RNF212B: variants seen among roughly 807,000 people sequenced by gnomAD.
The protein encoded by RNF212B is ring finger protein 212B, also known as E3 ubiquitin-protein ligase RNF212B.
A neutral mutation model predicts 55.5 loss-of-function variants in RNF212B; 52 were observed. That is an observed-to-expected ratio of 0.94 (90% CI 0.75 to 1.18). The LOEUF (loss-of-function observed/expected upper bound fraction) is 1.18. Among genes scored for constraint, RNF212B ranks in the 50% most tolerant of loss-of-function variants. The pLI is 0.00. For missense variants in RNF212B, 289 were observed against 350.4 expected (o/e 0.82, Z 1.40); for synonymous variants, 99 against 121.4 (o/e 0.82, Z 1.21).
At position 23,243,243 on chromosome 14, in the gene RNF212B, C is replaced by CG. The variant is rs1566424081; in HGVS notation, c.101-13_101-12insG. 1.3e-6 allele frequency: 2 copies of CG among 1,547,348 alleles called. No individual in the cohort carries two copies. The highest frequency in any genetic ancestry group is 1.7e-6 in the Non-Finnish European group (2 of 1,145,788). ...TCATGAGAGCCAAATATTTTTTTCC[C>CG]TTTTCCTCCCAGAAAAATGTGCTGT... On this transcript the variant is annotated splice_polypyrimidine_tract_variant and intron_variant, in intron 2 of 14. Transcript: ENST00000430154.
upstream of RNF212B, among the ~76,000 whole-genome samples, chr14:23,237,382 G>A (rs181638385): frequency 8.5e-5 from 13 of 152,184 alleles, no homozygotes; most frequent in East Asian, 2.5e-3. Flanking sequence ...CGCCCGCCTC[G>A]GCCTCCCAAG....
In RNF212B at chr14:23,263,974, GC is replaced by G. The variant is rs146647966; in HGVS notation, c.525-199del. Among the ~76,000 whole-genome samples the G allele has an allele frequency of 7.4e-3, 1,120 of 152,214 alleles. 20 individuals are homozygous for G. The highest frequency in any genetic ancestry group is 0.025 in the African/African-American group (1,041 of 41,524). On this transcript the variant is annotated intron_variant, in intron 9 of 14. Transcript: ENST00000430154. ...ATGGTGGTGCACGCCTGTAGTCCTA[GC>G]TACTTGGGAGGCTGAGGCATGAGAA...
intron 2 of RNF212B, among the ~76,000 whole-genome samples, chr14:23,220,717 C>T (rs1200343375): frequency 6.7e-6 from 1 of 149,318 alleles, no homozygotes; most frequent in East Asian, 2.0e-4. Context: ...CCCAGCTACT[C>T]AGGAGGCTGA....
chr14:23,213,713 C>A (rs1880792316), intron 2 of RNF212B, among the ~76,000 whole-genome samples: 1 of 146,284 alleles, frequency 6.8e-6, no homozygotes, highest in African/African-American at 2.7e-5. Flanking sequence ...TGACTGCATG[C>A]CAAATGAAGA....
Position 23,260,692 on chromosome 14 carries a change from G to GT in RNF212B, c.434+9dup. 1 of 1,550,400 alleles carries GT rather than the reference G, an allele frequency of 6.4e-7. No individual in the cohort carries two copies. Among genetic ancestry groups the GT allele is most frequent in the Non-Finnish European group, 8.7e-7 (1 of 1,146,884 alleles). Reference sequence around the variant, plus strand: ...AAGTCGGTACCAAGGAAGCAGGTCAGTTTTATCAGCTCCCATACTAGCCCA... The same window carrying GT: ...AAGTCGGTACCAAGGAAGCAGGTCAGTTTTTATCAGCTCCCATACTAGCCCA... On this transcript the variant is annotated splice_donor_region_variant and intron_variant, in intron 7 of 14. Coordinates refer to ENST00000430154, the MANE Select transcript of RNF212B (RefSeq NM_001282322.3).
rs1198022517 is a variant in RNF212B, at chr14:23,269,864, ACTT to A, written c.678_680del (p.Ser228del). The A allele has an allele frequency of 7.2e-6, 11 of 1,531,132 alleles. No homozygotes were observed. Among genetic ancestry groups the A allele is most frequent in the Non-Finnish European group, 9.7e-6 (11 of 1,129,770 alleles). The allele number at this position is 1,531,132 out of a possible 1,614,324, so 94.8% of individuals were successfully genotyped here. A position where few individuals can be genotyped will look rare whatever the true frequency, so the allele number is the denominator to read the frequency against. ...GATGCTTTTATTTGCTTTCCTTAGA[ACTT>A]CATCTGCCTCCTCTGGACAGGGGAT... On this transcript the variant is annotated inframe_deletion and splice_region_variant, in exon 13 of 15. Coordinates refer to ENST00000430154, the MANE Select transcript of RNF212B (RefSeq NM_001282322.3).
At chr14:23,208,757 G>GTTTTTTTTTTTTTTTTTTTTTTTTTT (rs1166613606) in intron 2 of RNF212B, among the ~76,000 whole-genome samples, 1 of 98,110 alleles carries the variant, frequency 1.0e-5, no homozygotes, top group African/African-American at 4.6e-5. Flanking sequence ...GCTGGTTGCC[G>GTTTTTTTTTTTTTTTTTTTTTTTTTT]TTTTTTTTTT....
chr14:23,251,608 GA>G (rs1566430021), intron 4 of RNF212B, among the ~76,000 whole-genome samples: 1 of 152,196 alleles, frequency 6.6e-6, no homozygotes, highest in African/African-American at 2.4e-5. Context: ...CTGAGGTCAG[GA>G]GTTCGAGACC....
In RNF212B at chr14:23,267,870, A is replaced by G. The variant is rs575022593; in HGVS notation, c.635-1054A>G. Among the ~76,000 whole-genome samples the G allele has an allele frequency of 1.3e-4, 20 of 152,306 alleles. No individual in the cohort carries two copies. The South Asian group carries it at 4.1e-3, about 32-fold the overall frequency. The stretch of plus-strand genomic sequence containing the variant: ...TTTGAATCCAAAGTGAGTATCTTGT[A>G]GACTGTGCATAGTTGGACTTGTTTT... On this transcript the variant is annotated intron_variant, in intron 11 of 14. Coordinates refer to ENST00000430154, the MANE Select transcript of RNF212B (RefSeq NM_001282322.3).
In RNF212B at chr14:23,196,958, C is replaced by T. The variant is rs374961173; in HGVS notation, c.-2+3557C>T. On this transcript the variant is annotated intron_variant, in intron 2 of 15. Coordinates refer to the RNF212B transcript ENST00000399910. ...TGATTTTATGATTAATGTCTACCTC[C>T]CCATCTAGACTGCAAACTCCATGAG... Among the ~76,000 whole-genome samples the T allele has an allele frequency of 4.1e-4, 63 of 152,244 alleles. 1 individual carries two copies. Among genetic ancestry groups the T allele is most frequent in the African/African-American group, 1.4e-3 (58 of 41,550 alleles).
At chr14:23,250,720 G>A (rs1312910353) in intron 4 of RNF212B, among the ~76,000 whole-genome samples, 3 of 152,116 alleles carry the variant, frequency 2.0e-5, no homozygotes, top group Non-Finnish European at 4.4e-5. Flanking sequence ...AGGTTCAGAC[G>A]ACATGTGCCC....
chr14:23,194,951 C>A (rs1251814748), intron 2 of RNF212B, among the ~76,000 whole-genome samples: 1 of 151,940 alleles, frequency 6.6e-6, no homozygotes, highest in East Asian at 1.9e-4. Flanking sequence ...CTAGAAATTT[C>A]AAAGATGTGA....
intron 4 of RNF212B, among the ~76,000 whole-genome samples, chr14:23,251,248 ACAATTCAATT>A (rs10555690): frequency 2.6e-5 from 4 of 151,324 alleles, no homozygotes; most frequent in African/African-American, 9.7e-5. Flanking sequence ...TAGGTATGCA[ACAATTCAATT>A]CAATTCAATT....
intron 4 of RNF212B, among the ~76,000 whole-genome samples, chr14:23,254,769 A>G (rs1304389692): frequency 2.0e-5 from 3 of 152,206 alleles, no homozygotes; most frequent in Non-Finnish European, 2.9e-5. Context: ...TTATCATAGT[A>G]AACCTACTAA....
At chr14:23,186,097 C>A (rs1877564956) in intron 1 of RNF212B, among the ~76,000 whole-genome samples, 1 of 152,012 alleles carries the variant, frequency 6.6e-6, no homozygotes, top group Non-Finnish European at 1.5e-5. Context: ...GAGACCCTGT[C>A]TTTAAAAAAA....
intron 2 of RNF212B, among the ~76,000 whole-genome samples, chr14:23,214,027 A>G (rs77380542): frequency 0.022 from 3,275 of 152,250 alleles, 112 homozygotes; most frequent in African/African-American, 0.073. Context: ...AGAGGCTAGC[A>G]CAGGAGGATC....
chr14:23,242,081 CAAAAAAAAAA>C (rs58497672), intron 2 of RNF212B, among the ~76,000 whole-genome samples: 2 of 36,644 alleles, frequency 5.5e-5, no homozygotes, highest in African/African-American at 2.1e-4. Context: ...GACTCCGTCT[CAAAAAAAAAA>C]AAAAAAAAAA....
chr14:23,203,525 C>T (rs994434383), intron 2 of RNF212B, among the ~76,000 whole-genome samples: 7 of 148,696 alleles, frequency 4.7e-5, no homozygotes, highest in Non-Finnish European at 8.9e-5. Flanking sequence ...GTCACCCACG[C>T]TGGAGTGCAA....
chr14:23,240,595 T>C (rs1883497716), intron 2 of RNF212B, 150 bp downstream of exon 2: 7 of 535,212 alleles, frequency 1.3e-5, no homozygotes, highest in Middle Eastern at 3.0e-4. Flanking sequence ...ATTTTAGAAA[T>C]TGAAGGAATC....
Sources: allele counts gnomAD v4.1 joint callset (sites outside exome capture counted in the v4.1 genomes callset), GRCh38; gene constraint gnomAD v4.1.1; transcripts MANE v1.5; gene names NCBI Gene and HGNC (gene_info 2026-07-23, HGNC 2026-07-21).